KLHDC4: variants seen among roughly 807,000 people sequenced by gnomAD.
KLHDC4 encodes the protein kelch domain containing 4.
KLHDC4 carries 90 observed loss-of-function variants against 62.4 expected under a neutral mutation model. The ratio of observed to expected loss-of-function variants is 1.44; its 90% CI spans 1.22 to 1.72. The LOEUF (loss-of-function observed/expected upper bound fraction) is 1.72, where lower values mean the gene tolerates loss of function less well. KLHDC4 is among the 40% of genes most tolerant of loss of function. The pLI is 0.00. For missense variants in KLHDC4, 1,025 were observed against 699.7 expected (o/e 1.47, Z -5.25); for synonymous variants, 386 against 284.4 (o/e 1.36, Z -3.59).
At chr16:87,742,688 G>C (rs911334936) in intron 5 of KLHDC4, among the ~76,000 whole-genome samples, 1 of 152,174 alleles carries the variant, frequency 6.6e-6, no homozygotes, top group Non-Finnish European at 1.5e-5. Context: ...GGGCAGGAAG[G>C]AGCAGTCTCC....
At chr16:87,718,820 A>C (rs1597453929) in intron 7 of KLHDC4, among the ~76,000 whole-genome samples, 1 of 146,686 alleles carries the variant, frequency 6.8e-6, no homozygotes, top group East Asian at 2.1e-4. Context: ...AGATGTGGGG[A>C]GTGCCTCTGC....
In KLHDC4 at chr16:87,748,318, T is replaced by A. The variant is rs77244023; in HGVS notation, c.506+355A>T. Among the ~76,000 whole-genome samples, 703 of 152,324 alleles carry A rather than the reference T, an allele frequency of 4.6e-3. 5 individuals are homozygous for A. Among genetic ancestry groups the A allele is most frequent in the African/African-American group, 0.016 (680 of 41,572 alleles). On this transcript the variant is annotated intron_variant, in intron 5 of 11. Coordinates refer to ENST00000270583, the MANE Select transcript of KLHDC4 (RefSeq NM_017566.4). ...AACGTGCCTTTTAGTCAATGACACA[T>A]CGCTATGGGGCCCCCCTTCCAACAA...
In KLHDC4 at chr16:87,709,588, C is replaced by G. The variant is rs142464429; in HGVS notation, c.1124G>C (p.Gly375Ala). 9.3e-6 allele frequency: 15 copies of G among 1,612,660 alleles called. No homozygotes were observed. The Admixed American group carries it at 1.7e-4, about 18-fold the overall frequency. The change falls in exon 10 of 12, where the codon GGA (glycine) becomes GCA (alanine). Residue 375 changes from glycine (G) to alanine (A), a missense_variant. Transcript: ENST00000270583. ...PEGGSRPACG[G>A]AGTQGPVQLV... Reference sequence around the variant, plus strand: ...CTGCACAGGCCCCTGGGTGCCAGCTCCCCCACACGCCGGCCTGCTACCACC... The same window carrying G: ...CTGCACAGGCCCCTGGGTGCCAGCTGCCCCACACGCCGGCCTGCTACCACC...
intron 5 of KLHDC4, among the ~76,000 whole-genome samples, chr16:87,746,822 C>G (rs964879120): frequency 5.3e-5 from 8 of 152,206 alleles, no homozygotes; most frequent in Non-Finnish European, 1.2e-4. Flanking sequence ...AGTCTAATAG[C>G]TTCTACAATA....
downstream of KLHDC4, among the ~76,000 whole-genome samples, chr16:87,705,894 G>C (rs2034612285): frequency 6.6e-6 from 1 of 152,252 alleles, no homozygotes; most frequent in South Asian, 2.1e-4. Context: ...AAAGGACCTT[G>C]ATTGCCCAGC....
At chr16:87,714,220 G>A (rs953251767) in intron 8 of KLHDC4, among the ~76,000 whole-genome samples, 2 of 152,320 alleles carry the variant, frequency 1.3e-5, no homozygotes, top group African/African-American at 4.8e-5. Flanking sequence ...GGGGCACTGT[G>A]CTCACTGCTC....
Position 87,711,377 on chromosome 16 carries a change from A to G in KLHDC4, c.902T>C (p.Val301Ala), listed in dbSNP as rs754987003. The G allele has an allele frequency of 2.5e-6, 4 of 1,613,822 alleles. No individual in the cohort carries two copies. Among genetic ancestry groups the G allele is most frequent in the Non-Finnish European group, 3.4e-6 (4 of 1,180,012 alleles). Residue 301 changes from valine to alanine, a missense_variant, in exon 9 of 12, where the codon GTG becomes GCG. Val to Ala is a moderately conservative substitution (Grantham distance 64, BLOSUM62 0). Coordinates refer to ENST00000270583, the MANE Select transcript of KLHDC4 (RefSeq NM_017566.4). ...TGTCTGGTGATTCGGGGCCATGGCC[A>G]CGGAAAAGCCAGACCGTGGGGTGGG... ...VKPTPRSGFS[V>A]AMAPNHQTLF... is the part of the protein sequence containing the mutation.
intron 6 of KLHDC4, among the ~76,000 whole-genome samples, chr16:87,730,135 G>A (rs560884829): frequency 1.3e-5 from 2 of 152,202 alleles, no homozygotes; most frequent in East Asian, 1.9e-4. Context: ...TGTATTTTTA[G>A]TAGAGACAGC....
intron 5 of KLHDC4, among the ~76,000 whole-genome samples, chr16:87,733,512 C>A (rs1434715920): frequency 6.6e-6 from 1 of 152,188 alleles, no homozygotes; most frequent in African/African-American, 2.4e-5. Context: ...GCCGCAGGCA[C>A]CAGGGCAGGG....
chr16:87,740,021 C>T (rs58850107), intron 5 of KLHDC4, among the ~76,000 whole-genome samples: 8,739 of 152,240 alleles, frequency 0.057, 327 homozygotes, highest in South Asian at 0.16. Flanking sequence ...ACCTATCGGG[C>T]GGGGTCCTAA....
At chr16:87,725,327 G>A (rs534736065) in intron 7 of KLHDC4, among the ~76,000 whole-genome samples, 75 of 152,262 alleles carry the variant, frequency 4.9e-4, no homozygotes, top group African/African-American at 1.5e-3. Context: ...CACCACGCCC[G>A]GCTAATTTTT....
At chr16:87,718,836 C>T (rs1354699115) in intron 7 of KLHDC4, among the ~76,000 whole-genome samples, 5 of 151,424 alleles carry the variant, frequency 3.3e-5, no homozygotes, top group Non-Finnish European at 5.9e-5. Context: ...TCTGCCCCGC[C>T]GCCCCGTCTG....
intron 5 of KLHDC4, among the ~76,000 whole-genome samples, chr16:87,735,552 CAAT>C (rs2143008450): frequency 6.6e-6 from 1 of 152,322 alleles, no homozygotes; most frequent in African/African-American, 2.4e-5. Context: ...ACAACGGACT[CAAT>C]TAACTTTTTG....
In KLHDC4 at chr16:87,709,906, G is replaced by C. The variant is rs1255769248; in HGVS notation, c.1045-239C>G. 4 of 559,196 alleles carry C rather than the reference G, an allele frequency of 7.2e-6. No homozygotes were observed. The Admixed American group carries it at 1.3e-4, about 18-fold the overall frequency. The allele number at this position is 559,196 out of a possible 1,614,324, so 34.6% of individuals were successfully genotyped here. ...GGGCTGGGGCAGAAAACCCCCCACTGCGTGTCCTCACTGAGGGGCCGCTCC... is the reference window on the plus strand; with the variant it reads ...GGGCTGGGGCAGAAAACCCCCCACTCCGTGTCCTCACTGAGGGGCCGCTCC... On this transcript the variant is annotated intron_variant, in intron 9 of 11. Coordinates refer to ENST00000270583, the MANE Select transcript of KLHDC4 (RefSeq NM_017566.4).
At chr16:87,701,059 A>G (rs2034121873) in exon 1 of KLHDC4, 1 of 195,354 alleles carries the variant, frequency 5.1e-6, no homozygotes, top group East Asian at 1.8e-4. Flanking sequence ...GGAAGAGTGC[A>G]GCTGCATTTG....
At chr16:87,765,268 GT>G in intron 1 of KLHDC4, 1 of 456,116 alleles carries the variant, frequency 2.2e-6, no homozygotes, top group Non-Finnish European at 4.4e-6. Flanking sequence ...GGGATACCCC[GT>G]GGCTCCAGTG....
chr16:87,761,385 T>C (rs1453327879), intron 2 of KLHDC4, among the ~76,000 whole-genome samples: 5 of 152,198 alleles, frequency 3.3e-5, no homozygotes, highest in Non-Finnish European at 5.9e-5. Context: ...AGCAGCTTTA[T>C]TAAAAGGGTA....
chr16:87,739,987 T>A (rs1478693495), intron 5 of KLHDC4: 1 of 152,186 alleles, frequency 6.6e-6, no homozygotes, highest in Non-Finnish European at 1.5e-5. Context: ...ATGAATCACA[T>A]CTCAGAGAAA....
intron 7 of KLHDC4, among the ~76,000 whole-genome samples, chr16:87,721,367 T>C (rs994589903): frequency 9.0e-5 from 13 of 145,218 alleles, no homozygotes; most frequent in African/African-American, 3.3e-4. Context: ...TGCGCCGAGA[T>C]TGCCCCACTG....
Sources: gnomAD v4.1 joint callset for allele counts (sites outside exome capture counted in the v4.1 genomes callset) on GRCh38, gnomAD v4.1.1 for gene constraint, MANE v1.5 for transcripts, NCBI Gene and HGNC (gene_info 2026-07-23, HGNC 2026-07-21) for gene names.